PKHD1L1: variants seen among roughly 807,000 people sequenced by gnomAD.
PKHD1L1 encodes PKHD1 like 1.
PKHD1L1 carries 434 observed loss-of-function variants against 462.9 expected under a neutral mutation model. The ratio of observed to expected loss-of-function variants is 0.94; its 90% CI spans 0.87 to 1.02. The LOEUF is 1.02. Ranked by LOEUF, PKHD1L1 falls within the 50% of genes least tolerant of loss-of-function variation. The pLI, the probability that PKHD1L1 is intolerant of heterozygous loss-of-function variation, is 0.00. For missense variants in PKHD1L1, 5,202 were observed against 5,096.1 expected (o/e 1.02, Z -0.63); for synonymous variants, 1,781 against 1,750.0 (o/e 1.02, Z -0.44).
At position 109,410,728 on chromosome 8, in the gene PKHD1L1, T is replaced by TTTTTTTTTTTTTTTTTG. The variant is rs1173808644; in HGVS notation, c.2085+766_2085+767insGTTTTTTTTTTTTTTTT. 1.1e-4 allele frequency among the ~76,000 whole-genome samples: 6 copies of TTTTTTTTTTTTTTTTTG among 56,754 alleles called. 1 individual carries two copies. The highest frequency in any genetic ancestry group is 1.8e-4 in the Non-Finnish European group (5 of 27,388). 37.2% of individuals were successfully genotyped at this position (56,754 alleles called of 152,430 possible). On this transcript the variant is annotated intron_variant, in intron 19 of 77. Transcript: ENST00000378402. ...CTTTTTTCTTTTCTTTTCTTTTTCT[T>TTTTTTTTTTTTTTTTTG]TTTTTTTTTTTTTTTTTTTGAGACG...
chr8:109,436,561 C>G lies in PKHD1L1; in HGVS notation c.3627+102C>G, dbSNP rs1025774189. On this transcript the variant is annotated intron_variant, in intron 30 of 77. Transcript: ENST00000378402. ...GGGGGTGAAACAAGTGGTGTATTTA[C>G]TTAGGAACTGCAGGGTTTCTATTAT... 7 of 1,511,432 alleles carry G rather than the reference C, an allele frequency of 4.6e-6. No homozygotes were observed. The Admixed American group carries it at 7.3e-5, about 16-fold the overall frequency. The allele number at this position is 1,511,432 out of a possible 1,614,324, so 93.6% of individuals were successfully genotyped here.
At chr8:109,409,343 G>C (rs974162491) in intron 18 of PKHD1L1, among the ~76,000 whole-genome samples, 3 of 151,882 alleles carry the variant, frequency 2.0e-5, no homozygotes, top group African/African-American at 7.3e-5. Context: ...TCCACCTCCT[G>C]GGTTCAAGCG....
At chr8:109,405,156 A>G in intron 16 of PKHD1L1, 26 bp downstream of exon 16, 1 of 1,329,500 alleles carries the variant, frequency 7.5e-7, no homozygotes, top group Non-Finnish European at 1.0e-6. Context: ...TAAGGGAGAT[A>G]CTGTTTCTGT....
intron 50 of PKHD1L1, chr8:109,471,122 C>T: frequency 6.1e-6 from 9 of 1,468,928 alleles, no homozygotes; most frequent in Non-Finnish European, 8.5e-6. Flanking sequence ...AACTAAAACA[C>T]TCAGCAGACA....
chr8:109,469,567 G>T (rs1172282825), intron 50 of PKHD1L1, among the ~76,000 whole-genome samples: 4 of 152,132 alleles, frequency 2.6e-5, no homozygotes, highest in Non-Finnish European at 5.9e-5. Flanking sequence ...GGATCTACAG[G>T]AGAAAACCTA....
intron 21 of PKHD1L1, among the ~76,000 whole-genome samples, chr8:109,415,497 A>G (rs907605181): frequency 6.6e-6 from 1 of 151,974 alleles, no homozygotes; most frequent in African/African-American, 2.4e-5. Context: ...GAGGTGCTCC[A>G]GCAAAGCTAG....
At chr8:109,467,110 G>T (rs1817483863) in intron 50 of PKHD1L1, among the ~76,000 whole-genome samples, 1 of 152,070 alleles carries the variant, frequency 6.6e-6, no homozygotes, top group African/African-American at 2.4e-5. Flanking sequence ...ATTGAGATGG[G>T]ATGGGGGAGC....
rs917325501 is a variant in PKHD1L1 at position 109,531,684 on chromosome 8, G to A, written c.*1594G>A. On this transcript the variant is annotated 3_prime_UTR_variant, in exon 78 of 78. Coordinates refer to ENST00000378402, the MANE Select transcript of PKHD1L1 (RefSeq NM_177531.6). ...TAGTCACAATTTTAAGGGAATTGCA[G>A]GTAAGAGGTCCCTGACAAGGTAGTC... 6.6e-6 allele frequency among the ~76,000 whole-genome samples: 1 copy of A among 152,170 alleles called. No individual in the cohort carries two copies. The highest frequency in any genetic ancestry group is 2.4e-5 in the African/African-American group (1 of 41,432).
chr8:109,401,678 T>C (rs1389219627), intron 14 of PKHD1L1, 90 bp downstream of exon 14: 4 of 617,998 alleles, frequency 6.5e-6, no homozygotes, highest in African/African-American at 1.9e-5. Flanking sequence ...TTTTTATTGG[T>C]GGAAGTGATA....
intron 34 of PKHD1L1, 100 bp from the exon 35 acceptor site, chr8:109,441,907 T>C: frequency 1.1e-6 from 1 of 946,000 alleles, no homozygotes; most frequent in South Asian, 3.5e-5. Context: ...TTGATTAAAA[T>C]GTTTTCACTA....
chr8:109,399,682 G>T (rs1023284396), intron 12 of PKHD1L1, among the ~76,000 whole-genome samples: 2 of 152,038 alleles, frequency 1.3e-5, no homozygotes, highest in African/African-American at 2.4e-5. Context: ...CAAGGCAAAG[G>T]TTTTGTAATA....
intron 2 of PKHD1L1, among the ~76,000 whole-genome samples, chr8:109,379,234 A>C (rs1247602741): frequency 2.6e-5 from 4 of 152,174 alleles, no homozygotes; most frequent in African/African-American, 9.7e-5. Flanking sequence ...TCTCCCATGG[A>C]AAGAACAGAG....
rs749116722 is a variant in PKHD1L1, at chr8:109,425,238, T to C, written c.2845+6T>C. The stretch of plus-strand genomic sequence containing the variant: ...TTATGGACATATTCTTAAAGGTATA[T>C]GAAAAAAATTTAAAATATTGGTGTA... On this transcript the variant is annotated splice_donor_region_variant and intron_variant, in intron 24 of 77. Coordinates refer to ENST00000378402, the MANE Select transcript of PKHD1L1 (RefSeq NM_177531.6). The C allele has an allele frequency of 1.9e-6, 3 of 1,565,704 alleles. No homozygotes were observed. The highest frequency in any genetic ancestry group is 1.7e-6 in the Non-Finnish European group (2 of 1,161,756).
intron 13 of PKHD1L1, among the ~76,000 whole-genome samples, chr8:109,401,204 T>C (rs1813255593): frequency 6.6e-6 from 1 of 152,148 alleles, no homozygotes; most frequent in Non-Finnish European, 1.5e-5. Flanking sequence ...GGTAAGTATC[T>C]TCTTAGTTTC....
In PKHD1L1 at chr8:109,491,076, C is replaced by A. The variant is rs1818799849; in HGVS notation, c.10089C>A (p.Asn3363Lys). 1.2e-6 allele frequency: 2 copies of A among 1,608,780 alleles called. No homozygotes were observed. Among genetic ancestry groups the A allele is most frequent in the African/African-American group, 2.7e-5 (2 of 74,692 alleles). Residue 3363 changes from asparagine (N) to lysine (K), a missense_variant, in exon 61 of 78, where the codon AAC becomes AAA. Physicochemically the swap from Asn to Lys is moderately conservative, Grantham distance 94. Coordinates refer to ENST00000378402, the MANE Select transcript of PKHD1L1 (RefSeq NM_177531.6). Reference protein sequence around the residue: ...FGTDGLDIDDNIIHFTVGEGI... With the variant: ...FGTDGLDIDDKIIHFTVGEGI... ...CAGATGGATTGGACATAGATGACAACATCATTCACTTTACAGTGGGGGAAG... is the reference window on the plus strand; with the variant it reads ...CAGATGGATTGGACATAGATGACAAAATCATTCACTTTACAGTGGGGGAAG...
At chr8:109,447,116 G>T (rs1816190115) in intron 38 of PKHD1L1, among the ~76,000 whole-genome samples, 1 of 152,054 alleles carries the variant, frequency 6.6e-6, no homozygotes, top group Non-Finnish European at 1.5e-5. Flanking sequence ...CCAGCTACTT[G>T]GGAGGCTGAG....
At chr8:109,442,474 T>C (rs938189056) in intron 35 of PKHD1L1, among the ~76,000 whole-genome samples, 1 of 152,134 alleles carries the variant, frequency 6.6e-6, no homozygotes, top group Non-Finnish European at 1.5e-5. Flanking sequence ...TGCAATAAAA[T>C]AGGAATATAT....
At chr8:109,520,889 A>C (rs1820518780) in intron 73 of PKHD1L1, among the ~76,000 whole-genome samples, 2 of 152,170 alleles carry the variant, frequency 1.3e-5, no homozygotes, top group Non-Finnish European at 2.9e-5. Context: ...AGAACCTGTT[A>C]ACAGTGCAGA....
rs958162299 is a variant in PKHD1L1, at chr8:109,493,810, A to G, written c.10327+59A>G. On this transcript the variant is annotated intron_variant, in intron 63 of 77. Transcript: ENST00000378402. The stretch of plus-strand genomic sequence containing the variant: ...GGAAATAACTTGTACAAAATTGTTA[A>G]AATAAATAATTATTGTTTGTTAATT... 6.8e-6 allele frequency: 8 copies of G among 1,168,064 alleles called. No individual in the cohort carries two copies. In the South Asian group the frequency reaches 1.2e-4, roughly 18 times the overall value. The allele number at this position is 1,168,064 out of a possible 1,614,324, so 72.4% of individuals were successfully genotyped here.
Sources: gnomAD v4.1 joint callset for allele counts (sites outside exome capture counted in the v4.1 genomes callset) on GRCh38, gnomAD v4.1.1 for gene constraint, MANE v1.5 for transcripts, NCBI Gene and HGNC (gene_info 2026-07-23, HGNC 2026-07-21) for gene names.